SUMF1: variants seen among roughly 807,000 people sequenced by gnomAD.
SUMF1 encodes sulfatase modifying factor 1.
A neutral mutation model predicts 47.6 loss-of-function variants in SUMF1; 48 were observed. The observed-to-expected ratio is 1.01, with a 90% CI of 0.80 to 1.28. The LOEUF (loss-of-function observed/expected upper bound fraction) is 1.28. Among genes scored for constraint, SUMF1 ranks in the 50% most tolerant of loss-of-function variants. The pLI, the probability that SUMF1 is intolerant of heterozygous loss-of-function variation, is 0.00. For synonymous variants in SUMF1, 230 were observed against 192.1 expected (o/e 1.20, Z -1.63); for missense variants, 571 against 485.4 (o/e 1.18, Z -1.66).
chr3:4,172,397 T>A (rs1005714265), intron 8 of SUMF1, among the ~76,000 whole-genome samples: 6 of 152,130 alleles, frequency 3.9e-5, no homozygotes, highest in African/African-American at 1.2e-4. Context: ...TTTCCAGGTA[T>A]TCACTAAAAA....
intron 1 of SUMF1, among the ~76,000 whole-genome samples, chr3:4,464,238 C>A (rs1318858574): frequency 3.3e-5 from 5 of 151,774 alleles, no homozygotes; most frequent in Admixed American, 3.3e-4. Flanking sequence ...TTCCCAGCTC[C>A]GAAAAATATT....
At chr3:4,341,976 C>T (rs538409314) in intron 8 of SUMF1, among the ~76,000 whole-genome samples, 19 of 152,204 alleles carry the variant, frequency 1.2e-4, no homozygotes, top group Admixed American at 3.3e-4. Flanking sequence ...TACTTTAGCA[C>T]GAATCCAATT....
intron 8 of SUMF1, among the ~76,000 whole-genome samples, chr3:4,365,651 G>T (rs1173410542): frequency 6.8e-6 from 1 of 146,444 alleles, no homozygotes; most frequent in Non-Finnish European, 1.5e-5. Flanking sequence ...GCACACTGAT[G>T]GGTCTTGACT....
chr3:4,104,666 T>TTCTCTCTCTCTCTCTCTC (rs111963235), intron 8 of SUMF1, among the ~76,000 whole-genome samples: 5 of 146,752 alleles, frequency 3.4e-5, no homozygotes, highest in South Asian at 4.4e-4. Context: ...AAATCTCGAT[T>TTCTCTCTCTCTCTCTCTC]TCTCTCTCTC....
chr3:4,417,216 T>A lies in SUMF1; in HGVS notation c.752A>T (p.Gln251Leu). 1 of 1,614,004 alleles carries A rather than the reference T, an allele frequency of 6.2e-7. No individual in the cohort carries two copies. The highest frequency in any genetic ancestry group is 1.1e-5 in the South Asian group (1 of 91,078). Residue 251 changes from glutamine to leucine, a missense_variant, in exon 6 of 9, where the codon CAG (glutamine) becomes CTG (leucine). Physicochemically the swap from Gln to Leu is moderately radical, Grantham distance 113. Coordinates refer to ENST00000272902, the MANE Select transcript of SUMF1 (RefSeq NM_182760.4). The part of the protein sequence containing the change: ...NRLFPWGNKL[Q>L]PKGQHYANIW... ...GTTGGCATAATGCTGGCCTTTGGGCTGCAGTTTGTTGCCCCAGGGGAAAAG... is the reference window on the plus strand; with the variant it reads ...GTTGGCATAATGCTGGCCTTTGGGCAGCAGTTTGTTGCCCCAGGGGAAAAG...
chr3:4,432,804 G>C (rs528128170), intron 3 of SUMF1, among the ~76,000 whole-genome samples: 127 of 152,258 alleles, frequency 8.3e-4, no homozygotes, highest in African/African-American at 2.9e-3. Flanking sequence ...TTTAGATCTA[G>C]TTATCTGTTG....
At chr3:4,217,047 A>G (rs1369479037) in intron 8 of SUMF1, among the ~76,000 whole-genome samples, 2 of 152,204 alleles carry the variant, frequency 1.3e-5, no homozygotes, top group South Asian at 2.1e-4. Context: ...TCATTCTACT[A>G]TAAAGACACA....
At chr3:4,193,876 G>C (rs573639033) in intron 8 of SUMF1, among the ~76,000 whole-genome samples, 1 of 152,122 alleles carries the variant, frequency 6.6e-6, no homozygotes, top group East Asian at 1.9e-4. Flanking sequence ...TTAAGAATTA[G>C]CCAATTCATA....
chr3:4,228,210 G>C (rs1197795529), intron 8 of SUMF1, among the ~76,000 whole-genome samples: 4 of 152,012 alleles, frequency 2.6e-5, no homozygotes, highest in Non-Finnish European at 4.4e-5. Flanking sequence ...TTTATCTTAT[G>C]ATTTCAGTGA....
chr3:4,201,703 T>C (rs937094212), intron 8 of SUMF1, among the ~76,000 whole-genome samples: 3 of 152,076 alleles, frequency 2.0e-5, no homozygotes, highest in Non-Finnish European at 4.4e-5. Context: ...TTTTTAGTTT[T>C]TTGAGGAACT....
intron 8 of SUMF1, among the ~76,000 whole-genome samples, chr3:4,240,772 T>G (rs1007183068): frequency 6.6e-6 from 1 of 151,898 alleles, no homozygotes; most frequent in African/African-American, 2.4e-5. Context: ...ATACCAAATG[T>G]CATCATTAAA....
chr3:4,055,164 A>G (rs1209691516), intron 9 of SUMF1, among the ~76,000 whole-genome samples: 1 of 152,144 alleles, frequency 6.6e-6, no homozygotes, highest in Non-Finnish European at 1.5e-5. Flanking sequence ...AGGCGTTAAG[A>G]ATAGTTGAAA....
chr3:4,297,637 A>T (rs1697881255), intron 8 of SUMF1, among the ~76,000 whole-genome samples: 1 of 140,610 alleles, frequency 7.1e-6, no homozygotes, highest in South Asian at 2.2e-4. Context: ...CCTGGCCTTG[A>T]GCCATCCTCC....
intron 8 of SUMF1, among the ~76,000 whole-genome samples, chr3:4,142,394 C>A (rs1001038083): frequency 2.0e-5 from 3 of 152,098 alleles, no homozygotes; most frequent in Non-Finnish European, 2.9e-5. Context: ...CATGCCCTCA[C>A]CTACACTGAA....
chr3:4,201,566 C>T (rs1348219022), intron 8 of SUMF1, among the ~76,000 whole-genome samples: 1 of 152,062 alleles, frequency 6.6e-6, no homozygotes, highest in African/African-American at 2.4e-5. Flanking sequence ...AGGTTGATTG[C>T]AAATATTGAC....
intron 8 of SUMF1, among the ~76,000 whole-genome samples, chr3:4,312,015 G>A (rs934753083): frequency 2.6e-5 from 4 of 152,122 alleles, no homozygotes; most frequent in African/African-American, 9.7e-5. Context: ...TTTTACAAAT[G>A]TAATGTTTTG....
intron 8 of SUMF1, among the ~76,000 whole-genome samples, chr3:4,074,666 G>A (rs111783900): frequency 6.6e-6 from 1 of 151,962 alleles, no homozygotes; most frequent in Non-Finnish European, 1.5e-5. Context: ...TATTACCACC[G>A]ATCCCATGGA....
chr3:4,285,350 TA>T (rs547143914), intron 8 of SUMF1, among the ~76,000 whole-genome samples: 158 of 152,226 alleles, frequency 1.0e-3, no homozygotes, highest in Middle Eastern at 0.01. Context: ...CTCAAAATAA[TA>T]AAGTGGCTAA....
chr3:4,147,527 T>G, intron 8 of SUMF1, among the ~76,000 whole-genome samples: 1 of 152,182 alleles, frequency 6.6e-6, no homozygotes, highest in East Asian at 1.9e-4. Flanking sequence ...AGCAGATGCT[T>G]GGTACCAGAG....
Sources: gnomAD v4.1 joint callset for allele counts (sites outside exome capture counted in the v4.1 genomes callset) on GRCh38, gnomAD v4.1.1 for gene constraint, MANE v1.5 for transcripts, NCBI Gene and HGNC (gene_info 2026-07-23, HGNC 2026-07-21) for gene names.